The following CTNND2 variants were observed in gnomAD, a reference collection of about 807,000 sequenced individuals.
The protein encoded by CTNND2 is catenin delta 2.
CTNND2 carries 22 observed loss-of-function variants against 144.4 expected under a neutral mutation model. That is an observed-to-expected ratio of 0.15 (90% CI 0.11 to 0.22). The LOEUF is 0.22. Among genes scored for constraint, CTNND2 ranks in the 10% least tolerant of loss-of-function variants. CTNND2 has a pLI of 1.00. For missense variants in CTNND2, 1,353 were observed against 1,618.8 expected (o/e 0.84, Z 2.82); for synonymous variants, 751 against 695.6 (o/e 1.08, Z -1.25).
intron 9 of CTNND2, among the ~76,000 whole-genome samples, chr5:11,292,166 C>A (rs576530485): frequency 6.6e-6 from 1 of 152,160 alleles, no homozygotes; most frequent in Non-Finnish European, 1.5e-5. Flanking sequence ...ACAAACCTTA[C>A]ATCTATTGAG....
chr5:11,776,629 A>G (rs1331079638), intron 1 of CTNND2, among the ~76,000 whole-genome samples: 1 of 152,226 alleles, frequency 6.6e-6, no homozygotes, highest in Non-Finnish European at 1.5e-5. Flanking sequence ...ACTAATTAAT[A>G]GCCTCAACCT....
chr5:11,644,453 T>A (rs994888331), intron 2 of CTNND2, among the ~76,000 whole-genome samples: 2 of 152,118 alleles, frequency 1.3e-5, no homozygotes, highest in Non-Finnish European at 2.9e-5. Flanking sequence ...GACGGGTGGA[T>A]CAGGAGGTCA....
intron 2 of CTNND2, among the ~76,000 whole-genome samples, chr5:11,617,268 T>C (rs1780624159): frequency 6.6e-6 from 1 of 152,342 alleles, no homozygotes; most frequent in East Asian, 1.9e-4. Context: ...GTCATTGACC[T>C]CTACTGACAT....
At chr5:11,625,828 T>C (rs1310659872) in intron 2 of CTNND2, among the ~76,000 whole-genome samples, 5 of 152,090 alleles carry the variant, frequency 3.3e-5, no homozygotes, top group African/African-American at 1.2e-4. Context: ...CAATAAGATA[T>C]GAGGGTGACA....
chr5:11,691,495 A>G (rs1171814074), intron 2 of CTNND2, among the ~76,000 whole-genome samples: 3 of 152,174 alleles, frequency 2.0e-5, no homozygotes, highest in South Asian at 2.1e-4. Flanking sequence ...ATTTTCCCCA[A>G]TATACAAGTA....
At chr5:11,411,941 T>C (rs572558204) in intron 4 of CTNND2, 94 bp downstream of exon 4, 3 of 1,008,664 alleles carry the variant, frequency 3.0e-6, no homozygotes, top group Non-Finnish European at 4.7e-6. Flanking sequence ...GTTTTCCTAT[T>C]ACTTTTCTAA....
At position 11,890,663 on chromosome 5, in the gene CTNND2, T is replaced by C. The variant is rs1159751020; in HGVS notation, c.37+13154A>G. On this transcript the variant is annotated intron_variant, in intron 1 of 21. Transcript: ENST00000304623. ...ATCAATTTTAAAGTCATTTTAATGA[T>C]CAACCTTCGAGGAGGTTGCAGTCTA... Among the ~76,000 whole-genome samples the C allele has an allele frequency of 3.3e-5, 5 of 152,180 alleles. No homozygotes were observed. The East Asian group carries it at 9.6e-4, about 29-fold the overall frequency.
chr5:11,378,621 A>G (rs1354349859), intron 7 of CTNND2, among the ~76,000 whole-genome samples: 1 of 152,240 alleles, frequency 6.6e-6, no homozygotes, highest in Non-Finnish European at 1.5e-5. Flanking sequence ...TTAGCTTTCC[A>G]AAATGAATTG....
chr5:11,373,683 CA>C (rs1246711079), intron 7 of CTNND2, among the ~76,000 whole-genome samples: 1 of 152,058 alleles, frequency 6.6e-6, no homozygotes, highest in Non-Finnish European at 1.5e-5. Flanking sequence ...TCTGGATGGC[CA>C]GGGGTCAAAC....
intron 1 of CTNND2, among the ~76,000 whole-genome samples, chr5:11,837,141 G>A (rs758257604): frequency 2.0e-5 from 3 of 152,150 alleles, no homozygotes; most frequent in Non-Finnish European, 4.4e-5. Flanking sequence ...ACACAGGAGA[G>A]AACACATGTC....
At chr5:11,876,241 G>A (rs1247081240) in intron 1 of CTNND2, among the ~76,000 whole-genome samples, 1 of 151,598 alleles carries the variant, frequency 6.6e-6, no homozygotes, top group Admixed American at 6.6e-5. Context: ...AGGCAGCAGG[G>A]AGGAGGTGGG....
intron 3 of CTNND2, among the ~76,000 whole-genome samples, chr5:11,412,929 A>G (rs903782053): frequency 7.2e-5 from 11 of 152,184 alleles, no homozygotes; most frequent in African/African-American, 2.7e-4. Flanking sequence ...GTTTCACAAC[A>G]GCACATGGAT....
At chr5:11,273,179 C>T (rs993114501) in intron 9 of CTNND2, among the ~76,000 whole-genome samples, 1 of 152,160 alleles carries the variant, frequency 6.6e-6, no homozygotes, top group Non-Finnish European at 1.5e-5. Flanking sequence ...CCCACGAAGC[C>T]TAGAATATTT....
At chr5:11,125,445 C>T (rs1754582734) in intron 12 of CTNND2, among the ~76,000 whole-genome samples, 1 of 152,260 alleles carries the variant, frequency 6.6e-6, no homozygotes, top group Admixed American at 6.5e-5. Context: ...TGTGAAGGCG[C>T]TTTCTTTGCT....
intron 10 of CTNND2, among the ~76,000 whole-genome samples, chr5:11,222,582 G>C (rs1186784251): frequency 1.3e-5 from 2 of 152,170 alleles, no homozygotes; most frequent in African/African-American, 4.8e-5. Flanking sequence ...AAGGCTGGAG[G>C]ATCACTTGAG....
intron 1 of CTNND2, among the ~76,000 whole-genome samples, chr5:11,879,061 A>G (rs1735777397): frequency 6.6e-6 from 1 of 152,012 alleles, no homozygotes; most frequent in Admixed American, 6.6e-5. Flanking sequence ...TACCATGGAG[A>G]CAGTACCCCA....
At chr5:11,319,115 T>G (rs1024364947) in intron 9 of CTNND2, among the ~76,000 whole-genome samples, 9 of 152,100 alleles carry the variant, frequency 5.9e-5, no homozygotes, top group Non-Finnish European at 1.2e-4. Context: ...GACCACCTCA[T>G]GTAAAGTGGC....
rs957369585 is a variant in CTNND2 at position 11,903,788 on chromosome 5, G to A, written c.37+29C>T. 2.0e-6 allele frequency: 3 copies of A among 1,475,398 alleles called. No individual in the cohort carries two copies. Among genetic ancestry groups the A allele is most frequent in the Admixed American group, 2.3e-5 (1 of 42,764 alleles). The allele number at this position is 1,475,398 out of a possible 1,614,324, so 91.4% of individuals were successfully genotyped here. A position where few individuals can be genotyped will look rare whatever the true frequency, so the allele number is the denominator to read the frequency against. The stretch of plus-strand genomic sequence containing the variant: ...ACGGCGCCGGGAGGAGGCTGCGCCC[G>A]GCCCCGGCCGCCCAGCCCCGCAACT... On this transcript the variant is annotated intron_variant, in intron 1 of 21. Transcript: ENST00000304623. The surrounding 1 kb of genome is among the most constrained non-coding windows in gnomAD (Gnocchi z 5.4).
At chr5:11,658,587 T>C (rs1182530859) in intron 2 of CTNND2, among the ~76,000 whole-genome samples, 1 of 151,804 alleles carries the variant, frequency 6.6e-6, no homozygotes, top group Non-Finnish European at 1.5e-5. Context: ...CTCACTAAAC[T>C]GAAAAAAACT....
Sources: allele counts gnomAD v4.1 joint callset (sites outside exome capture counted in the v4.1 genomes callset), GRCh38; gene constraint gnomAD v4.1.1; non-coding constraint Gnocchi (gnomAD v3.1); transcripts MANE v1.5; gene names NCBI Gene and HGNC (gene_info 2026-07-23, HGNC 2026-07-21).